WWOX: variants seen among roughly 807,000 people sequenced by gnomAD.
The protein encoded by WWOX is WW domain containing oxidoreductase.
Under a neutral mutation model 46.2 loss-of-function variants are expected in WWOX, and 69 were observed. The ratio of observed to expected loss-of-function variants is 1.49; its 90% CI spans 1.23 to 1.82. The LOEUF (loss-of-function observed/expected upper bound fraction) is 1.82, where lower values mean the gene tolerates loss of function less well. Ranked by LOEUF, WWOX falls within the 40% of genes most tolerant of loss-of-function variation. The pLI is 0.00. For synonymous variants in WWOX, 359 were observed against 202.6 expected (o/e 1.77, Z -6.56); for missense variants, 919 against 542.6 (o/e 1.69, Z -6.89).
chr16:78,760,816 CAA>C (rs2049773922), intron 8 of WWOX, among the ~76,000 whole-genome samples: 1 of 152,104 alleles, frequency 6.6e-6, no homozygotes, highest in Non-Finnish European at 1.5e-5. Context: ...CAAGACTGTG[CAA>C]TTTACAAAAG....
At chr16:78,577,635 G>T (rs781217805) in intron 8 of WWOX, among the ~76,000 whole-genome samples, 1 of 152,156 alleles carries the variant, frequency 6.6e-6, no homozygotes, top group Non-Finnish European at 1.5e-5. Flanking sequence ...TTTAAATGGG[G>T]ATGATTACAT....
At chr16:79,140,599 C>T (rs1290102586) in intron 8 of WWOX, among the ~76,000 whole-genome samples, 1 of 152,208 alleles carries the variant, frequency 6.6e-6, no homozygotes, top group African/African-American at 2.4e-5. Flanking sequence ...AGGGTGGGTG[C>T]CCTGAGGCAG....
At chr16:79,090,426 T>C (rs571364585) in intron 8 of WWOX, among the ~76,000 whole-genome samples, 13 of 152,254 alleles carry the variant, frequency 8.5e-5, no homozygotes, top group African/African-American at 3.1e-4. Flanking sequence ...GGGCCCTCTA[T>C]GTGCAATACC....
At chr16:79,110,510 T>C (rs1456717352) in intron 8 of WWOX, among the ~76,000 whole-genome samples, 1 of 152,158 alleles carries the variant, frequency 6.6e-6, no homozygotes, top group Non-Finnish European at 1.5e-5. Flanking sequence ...TCTGACCCAA[T>C]TCTGACTAGT....
At chr16:79,069,514 A>G (rs949278323) in intron 8 of WWOX, among the ~76,000 whole-genome samples, 1 of 151,032 alleles carries the variant, frequency 6.6e-6, no homozygotes, top group African/African-American at 2.4e-5. Context: ...ATCACAACCT[A>G]TTGGCAGGAA....
intron 8 of WWOX, among the ~76,000 whole-genome samples, chr16:78,447,123 A>G (rs1380937842): frequency 6.6e-6 from 1 of 152,156 alleles, no homozygotes; most frequent in Non-Finnish European, 1.5e-5. Flanking sequence ...CTGTTTTCTG[A>G]ACCAGACAGG....
chr16:79,037,718 A>T (rs1044937222), intron 8 of WWOX, among the ~76,000 whole-genome samples: 3 of 152,124 alleles, frequency 2.0e-5, no homozygotes, highest in Admixed American at 1.3e-4. Flanking sequence ...TAAATATGTC[A>T]TTGGAGAGGT....
intron 5 of WWOX, among the ~76,000 whole-genome samples, chr16:78,184,526 G>A (rs867814407): frequency 6.6e-6 from 1 of 151,526 alleles, no homozygotes; most frequent in Non-Finnish European, 1.5e-5. Context: ...CAGCTTAGCC[G>A]GCACCCACAT....
At chr16:78,942,921 C>G (rs900475002) in intron 8 of WWOX, among the ~76,000 whole-genome samples, 3 of 152,196 alleles carry the variant, frequency 2.0e-5, no homozygotes, top group African/African-American at 7.2e-5. Context: ...ATCCCCTCCT[C>G]TCTCTCAAGG....
In WWOX at chr16:78,241,885, G is replaced by T. The variant is rs532311711; in HGVS notation, c.516+77596G>T. ...CAGCTGCCTCCAACAGCATTGCCTG[G>T]CAGCGTCACGTAGTAGCCCTCTCCC... On this transcript the variant is annotated intron_variant, in intron 5 of 8. Transcript: ENST00000566780. 6.8e-4 allele frequency among the ~76,000 whole-genome samples: 104 copies of T among 152,232 alleles called. 2 individuals carry two copies. Among genetic ancestry groups the T allele is most frequent in the Admixed American group, 6.7e-3 (103 of 15,288 alleles).
chr16:78,951,307 A>C (rs563174640), intron 8 of WWOX, among the ~76,000 whole-genome samples: 2 of 148,976 alleles, frequency 1.3e-5, no homozygotes, highest in East Asian at 2.0e-4. Context: ...ATGCTCAGGG[A>C]ATATTGGTGG....
chr16:78,505,566 A>AGCAG (rs2085176802), intron 8 of WWOX, among the ~76,000 whole-genome samples: 1 of 152,174 alleles, frequency 6.6e-6, no homozygotes, highest in Non-Finnish European at 1.5e-5. Flanking sequence ...GTGCTGGGCT[A>AGCAG]CAGCGCCCAG....
At chr16:78,925,127 C>A (rs2045469169) in intron 8 of WWOX, among the ~76,000 whole-genome samples, 1 of 152,092 alleles carries the variant, frequency 6.6e-6, no homozygotes, top group Admixed American at 6.6e-5. Context: ...CCTGGGAGGT[C>A]GAGGCTGCAG....
At chr16:78,813,825 C>T (rs1252470744) in intron 8 of WWOX, among the ~76,000 whole-genome samples, 2 of 152,130 alleles carry the variant, frequency 1.3e-5, no homozygotes, top group Non-Finnish European at 1.5e-5. Context: ...TCCCTTCCTT[C>T]GTCACCACCT....
intron 8 of WWOX, among the ~76,000 whole-genome samples, chr16:78,794,525 A>T (rs564915871): frequency 1.3e-5 from 2 of 152,208 alleles, no homozygotes; most frequent in Admixed American, 1.3e-4. Context: ...CAATTTTCTC[A>T]TCCAAAAAAA....
At chr16:78,301,767 A>G (rs2080045341) in intron 5 of WWOX, among the ~76,000 whole-genome samples, 1 of 152,180 alleles carries the variant, frequency 6.6e-6, no homozygotes, top group Non-Finnish European at 1.5e-5. Flanking sequence ...ACTACAGCAC[A>G]GATGCACTGG....
chr16:78,472,268 G>T (rs2084241082), intron 8 of WWOX, among the ~76,000 whole-genome samples: 1 of 152,036 alleles, frequency 6.6e-6, no homozygotes, highest in Admixed American at 6.6e-5. Context: ...TGACTAACGA[G>T]GATCAGAGGG....
intron 8 of WWOX, among the ~76,000 whole-genome samples, chr16:78,789,082 G>C (rs1026987648): frequency 2.0e-5 from 3 of 152,244 alleles, no homozygotes; most frequent in African/African-American, 7.2e-5. Context: ...TTTGGGTGTT[G>C]TATCTAAGAA....
At chr16:79,031,879 C>T (rs1194618412) in intron 8 of WWOX, among the ~76,000 whole-genome samples, 2 of 49,010 alleles carry the variant, frequency 4.1e-5, no homozygotes, top group East Asian at 1.6e-3. Flanking sequence ...TATCTATATA[C>T]AGATATCTGT....
Sources: gnomAD v4.1 joint callset for allele counts (sites outside exome capture counted in the v4.1 genomes callset) on GRCh38, gnomAD v4.1.1 for gene constraint, MANE v1.5 for transcripts, NCBI Gene and HGNC (gene_info 2026-07-23, HGNC 2026-07-21) for gene names.